The following DISC1 variants were observed in gnomAD, a reference collection of about 807,000 sequenced individuals.
The protein encoded by DISC1 is DISC1 scaffold protein.
Under a neutral mutation model 84.5 loss-of-function variants are expected in DISC1, and 57 were observed. The ratio of observed to expected loss-of-function variants is 0.67; its 90% CI spans 0.55 to 0.84. The LOEUF is 0.84. Ranked by LOEUF, DISC1 falls within the 40% of genes least tolerant of loss-of-function variation. The probability of loss-of-function intolerance (pLI) is 0.00; values close to 1 mark genes in which losing one functional copy is unlikely to be tolerated. For missense variants in DISC1, 1,000 were observed against 1,057.8 expected (o/e 0.95, Z 0.76); for synonymous variants, 411 against 415.2 (o/e 0.99, Z 0.12).
At chr1:231,684,616 A>G (rs777327188) in intron 1 of DISC1, 2 of 152,016 alleles carry the variant, frequency 1.3e-5, no homozygotes, top group Admixed American at 6.6e-5. Flanking sequence ...CTGGTTTATC[A>G]TTCTTTTGCT....
At chr1:231,892,712 T>C (rs181211324) in intron 9 of DISC1, among the ~76,000 whole-genome samples, 10 of 152,118 alleles carry the variant, frequency 6.6e-5, no homozygotes, top group Non-Finnish European at 1.2e-4. Context: ...GAGTACACTT[T>C]CTAGGGGCAT....
chr1:231,822,679 C>T (rs1219682466), intron 9 of DISC1, among the ~76,000 whole-genome samples: 3 of 152,258 alleles, frequency 2.0e-5, no homozygotes, highest in African/African-American at 7.2e-5. Flanking sequence ...TAGAGGAATA[C>T]CTGAGGCTGG....
chr1:232,032,019 T>C (rs1327196109), intron 12 of DISC1, among the ~76,000 whole-genome samples: 3 of 152,190 alleles, frequency 2.0e-5, no homozygotes, highest in Non-Finnish European at 4.4e-5. Flanking sequence ...GTTTTGAAGT[T>C]CTGCTTTTTT....
intron 3 of DISC1, among the ~76,000 whole-genome samples, chr1:231,734,481 GCTCT>G (rs5781667): frequency 1.6e-3 from 242 of 149,914 alleles, no homozygotes; most frequent in African/African-American, 5.2e-3. Flanking sequence ...GGCATCACGT[GCTCT>G]CTCTCTCTCT....
intron 9 of DISC1, among the ~76,000 whole-genome samples, chr1:231,849,092 A>G (rs1473758125): frequency 6.6e-6 from 1 of 151,270 alleles, no homozygotes; most frequent in African/African-American, 2.4e-5. Flanking sequence ...ACTTATCACA[A>G]CAATCCTGCA....
intron 4 of DISC1, among the ~76,000 whole-genome samples, chr1:231,753,147 G>T (rs1357038604): frequency 6.6e-6 from 1 of 152,208 alleles, no homozygotes; most frequent in African/African-American, 2.4e-5. Flanking sequence ...GCTCCACTAG[G>T]CAGTGCCCCA....
intron 4 of DISC1, among the ~76,000 whole-genome samples, chr1:231,756,912 A>T (rs905704110): frequency 2.0e-5 from 3 of 152,198 alleles, no homozygotes; most frequent in African/African-American, 4.8e-5. Context: ...AGTTGCTAAA[A>T]TTTTTTTAAA....
intron 1 of DISC1, among the ~76,000 whole-genome samples, chr1:231,669,863 A>T (rs1035448301): frequency 6.6e-6 from 1 of 152,162 alleles, no homozygotes; most frequent in Non-Finnish European, 1.5e-5. Context: ...CAACAATTCT[A>T]TTGTGGGGTA....
intron 3 of DISC1, chr1:231,720,925 G>C (rs963723809): frequency 1.5e-6 from 2 of 1,290,798 alleles, no homozygotes; most frequent in Admixed American, 4.6e-5. Context: ...ATAACCACAG[G>C]TAATTTACTT....
intron 4 of DISC1, among the ~76,000 whole-genome samples, chr1:231,763,272 CA>C (rs767180685): frequency 6.6e-6 from 1 of 152,180 alleles, no homozygotes; most frequent in Non-Finnish European, 1.5e-5. Flanking sequence ...TCCTCATCAG[CA>C]AAACCGGTAT....
rs191204588 is a variant in DISC1, at chr1:231,735,715, T to C, written c.1118-14211T>C. ...CATTGTGAGGATAAAATGATTGATA[T>C]GTAGCAATGTGCTTGGCACATAGCA... On this transcript the variant is annotated intron_variant, in intron 3 of 12. Transcript: ENST00000439617. 3.9e-5 allele frequency among the ~76,000 whole-genome samples: 6 copies of C among 152,382 alleles called. No individual in the cohort carries two copies. In the East Asian group the frequency reaches 9.6e-4, roughly 24 times the overall value.
intron 8 of DISC1, among the ~76,000 whole-genome samples, chr1:231,817,667 A>T (rs1479880404): frequency 6.7e-6 from 1 of 148,630 alleles, no homozygotes; most frequent in African/African-American, 2.6e-5. Context: ...TGTATTTTTT[A>T]AAAAATCATC....
At position 231,862,352 on chromosome 1, in the gene DISC1, A is replaced by G. The variant is rs543636213; in HGVS notation, c.1981+43835A>G. Among the ~76,000 whole-genome samples, 4 of 152,294 alleles carry G rather than the reference A, an allele frequency of 2.6e-5. No individual in the cohort carries two copies. The South Asian group carries it at 8.3e-4, about 32-fold the overall frequency. On this transcript the variant is annotated intron_variant, in intron 9 of 12. Transcript: ENST00000439617. ...ATGGCAACTGTTTCCCATTGTGAGG[A>G]TTCCCTTAGTGGTGTCATATTTGGA...
At chr1:232,006,964 G>C (rs1440350152) in intron 10 of DISC1, among the ~76,000 whole-genome samples, 1 of 152,218 alleles carries the variant, frequency 6.6e-6, no homozygotes, top group African/African-American at 2.4e-5. Context: ...CCAACGTACA[G>C]CTCAGCCTGT....
chr1:231,982,604 A>C (rs1164831992), intron 10 of DISC1, among the ~76,000 whole-genome samples: 2 of 152,214 alleles, frequency 1.3e-5, no homozygotes, highest in African/African-American at 4.8e-5. Context: ...AAATAGGCTT[A>C]TGTGCTAGCT....
In DISC1 at chr1:231,739,769, T is replaced by A. The variant is rs1233948012; in HGVS notation, c.1118-10157T>A. ...ACATGGCATTTGAAAGGTGAAAAAG[T>A]CTTGTCAATCATTTTCAAACACTCT... On this transcript the variant is annotated intron_variant, in intron 3 of 12. Coordinates refer to ENST00000439617, the MANE Select transcript of DISC1 (RefSeq NM_018662.3). 2.0e-5 allele frequency among the ~76,000 whole-genome samples: 3 copies of A among 152,172 alleles called. No individual in the cohort carries two copies. In the East Asian group the frequency reaches 5.8e-4, roughly 29 times the overall value.
chr1:231,908,189 A>G (rs527758073), intron 9 of DISC1, among the ~76,000 whole-genome samples: 2 of 152,178 alleles, frequency 1.3e-5, no homozygotes, highest in East Asian at 3.9e-4. Context: ...ATTAGATCCC[A>G]TTTGTCAACT....
chr1:231,630,505 T>C lies in DISC1; in HGVS notation c.67+3571T>C, dbSNP rs1413593090. On this transcript the variant is annotated intron_variant, in intron 1 of 12. Transcript: ENST00000439617. The surrounding 1 kb of genome is among the most constrained non-coding windows in gnomAD (Gnocchi z 4.4). The stretch of plus-strand genomic sequence containing the variant: ...TGATGGTAATTGAGTTTATATGCTG[T>C]GTTCTCATGAATCCAAGCAGAGCCC... Among the ~76,000 whole-genome samples, 1 of 152,010 alleles carries C rather than the reference T, an allele frequency of 6.6e-6. No homozygotes were observed. Among genetic ancestry groups the C allele is most frequent in the African/African-American group, 2.4e-5 (1 of 41,386 alleles).
intron 9 of DISC1, among the ~76,000 whole-genome samples, chr1:231,855,570 A>G (rs1220773068): frequency 1.3e-5 from 2 of 152,180 alleles, no homozygotes; most frequent in African/African-American, 4.8e-5. Context: ...AGCCTAAACC[A>G]CAAATATTGG....
Sources: gnomAD v4.1 joint callset for allele counts (sites outside exome capture counted in the v4.1 genomes callset) on GRCh38, gnomAD v4.1.1 for gene constraint, Gnocchi (gnomAD v3.1) non-coding constraint, MANE v1.5 for transcripts, NCBI Gene and HGNC (gene_info 2026-07-23, HGNC 2026-07-21) for gene names.